The following AKAP12 variants were observed in gnomAD, a reference collection of about 807,000 sequenced individuals.
The protein encoded by AKAP12 is A-kinase anchor protein 12.
A neutral mutation model predicts 79.9 loss-of-function variants in AKAP12; 32 were observed. That is an observed-to-expected ratio of 0.40 (90% CI 0.30 to 0.54). The LOEUF is 0.54. AKAP12 is among the 20% of genes least tolerant of loss of function. The pLI, the probability that AKAP12 is intolerant of heterozygous loss-of-function variation, is 0.48. For missense variants in AKAP12, 2,074 were observed against 2,177.0 expected, an observed-to-expected ratio of 0.95 and a Z score of 0.94; for synonymous variants, 808 against 857.0, an observed-to-expected ratio of 0.94 and a Z score of 1.00.
At chr6:151,317,916 G>A (rs971603982) in intron 3 of AKAP12, among the ~76,000 whole-genome samples, 2 of 152,202 alleles carry the variant, frequency 1.3e-5, no homozygotes, top group African/African-American at 4.8e-5. Context: ...TAAATAAAGT[G>A]GCAGATTGAT....
chr6:151,325,201 T>A (rs967159154), intron 3 of AKAP12: 2 of 985,194 alleles, frequency 2.0e-6, no homozygotes, highest in African/African-American at 3.5e-5. Flanking sequence ...GGTGAAAATA[T>A]CAAATGCTAC....
intron 3 of AKAP12, among the ~76,000 whole-genome samples, chr6:151,313,624 A>G (rs1000559106): frequency 6.6e-6 from 1 of 152,200 alleles, no homozygotes; most frequent in Non-Finnish European, 1.5e-5. Context: ...TTTTCTCTGA[A>G]CTATATTCAA....
chr6:151,294,551 T>C (rs1200344898), intron 2 of AKAP12, among the ~76,000 whole-genome samples: 1 of 152,192 alleles, frequency 6.6e-6, no homozygotes, highest in Admixed American at 6.5e-5. Context: ...TTGCCAACAT[T>C]ACAAGGTAGG....
In AKAP12 at chr6:151,349,185, G is replaced by A. The variant is rs767469845; in HGVS notation, c.794G>A (p.Cys265Tyr). ...GAATCTGGCCAAGCAGTGGAGGAAT[G>A]CAAAGAGGAAGGAGAAGAGAAACAA... ...PAESGQAVEE[C>Y]KEEGEEKQEK... Residue 265 changes from cysteine to tyrosine, a missense_variant, in exon 4 of 5, where the codon TGC (cysteine) becomes TAC (tyrosine). By Grantham distance (194) the Cys-to-Tyr change is radical. Transcript: ENST00000402676. 1.9e-6 allele frequency: 3 copies of A among 1,612,510 alleles called. No individual in the cohort carries two copies. The highest frequency in any genetic ancestry group is 1.4e-5 in the African/African-American group (1 of 73,664).
chr6:151,300,125 A>G (rs1776828256), intron 2 of AKAP12, among the ~76,000 whole-genome samples: 1 of 127,646 alleles, frequency 7.8e-6, no homozygotes, highest in Admixed American at 8.1e-5. Flanking sequence ...TACTTTCAAA[A>G]CACTTTCTAT....
intron 2 of AKAP12, among the ~76,000 whole-genome samples, chr6:151,283,313 A>G (rs1258286788): frequency 6.6e-6 from 1 of 152,206 alleles, no homozygotes; most frequent in East Asian, 1.9e-4. Flanking sequence ...CACAAAAGAA[A>G]TGGTAGGATT....
chr6:151,272,560 C>G (rs778951549), intron 2 of AKAP12, among the ~76,000 whole-genome samples: 2 of 151,960 alleles, frequency 1.3e-5, no homozygotes, highest in African/African-American at 4.8e-5. Context: ...CACTCTGTCT[C>G]CCAGGCTGGA....
chr6:151,348,341 A>T, intron 3 of AKAP12: 1 of 425,954 alleles, frequency 2.3e-6, no homozygotes, highest in Non-Finnish European at 4.7e-6. Flanking sequence ...AAAAAAAAAA[A>T]AAGTTAATTT....
intron 3 of AKAP12, among the ~76,000 whole-genome samples, chr6:151,331,745 C>T (rs4870011): frequency 0.5 from 76,092 of 151,442 alleles, 22,139 homozygotes; most frequent in African/African-American, 0.8. Context: ...ATTAGCCGGG[C>T]GTGGTGGCAG....
At chr6:151,342,683 T>C (rs965756555) in intron 3 of AKAP12, among the ~76,000 whole-genome samples, 4 of 152,244 alleles carry the variant, frequency 2.6e-5, no homozygotes, top group African/African-American at 9.6e-5. Context: ...ATACATTTTA[T>C]TATGTGTTCA....
chr6:151,244,683 A>G (rs972137887), intron 2 of AKAP12, among the ~76,000 whole-genome samples: 6 of 152,194 alleles, frequency 3.9e-5, no homozygotes, highest in East Asian at 1.9e-4. Context: ...TGTTACAAAA[A>G]TGGGCCAGAA....
intron 3 of AKAP12, among the ~76,000 whole-genome samples, chr6:151,345,157 C>A (rs1208667886): frequency 6.6e-6 from 1 of 151,958 alleles, no homozygotes; most frequent in Non-Finnish European, 1.5e-5. Context: ...CTCACTGCAA[C>A]CTCCACCTCC....
At chr6:151,347,158 T>C (rs1778122942) in intron 3 of AKAP12, among the ~76,000 whole-genome samples, 1 of 152,244 alleles carries the variant, frequency 6.6e-6, no homozygotes, top group Non-Finnish European at 1.5e-5. Flanking sequence ...TGGGAGCCCC[T>C]TCAAGCCAGT....
intron 2 of AKAP12, among the ~76,000 whole-genome samples, chr6:151,253,127 C>T (rs1243787706): frequency 6.6e-6 from 1 of 152,172 alleles, no homozygotes; most frequent in East Asian, 1.9e-4. Flanking sequence ...TCTATTGTCA[C>T]TCCCTGATAT....
intron 2 of AKAP12, among the ~76,000 whole-genome samples, chr6:151,301,153 T>C (rs1054468590): frequency 2.0e-5 from 3 of 152,192 alleles, no homozygotes; most frequent in African/African-American, 7.2e-5. Flanking sequence ...TTCCACCGCC[T>C]CCTGTCCCAT....
intron 3 of AKAP12, among the ~76,000 whole-genome samples, chr6:151,317,966 G>A (rs1379934563): frequency 1.3e-5 from 2 of 152,210 alleles, no homozygotes; most frequent in Admixed American, 1.3e-4. Context: ...GCCAAGGTTT[G>A]CTCTCAAGCA....
At chr6:151,319,484 TCTA>T (rs756248408) in intron 3 of AKAP12, among the ~76,000 whole-genome samples, 2,975 of 134,434 alleles carry the variant, frequency 0.022, 44 homozygotes, top group African/African-American at 0.044. Flanking sequence ...TATCTATCTA[TCTA>T]CTATCTATAA....
intron 2 of AKAP12, among the ~76,000 whole-genome samples, chr6:151,266,261 CTTCT>C (rs997322505): frequency 2.0e-5 from 3 of 152,176 alleles, no homozygotes; most frequent in Admixed American, 1.3e-4. Context: ...ATATTTTTCT[CTTCT>C]TTCTTTTTTA....
At position 151,349,151 on chromosome 6, in the gene AKAP12, C is replaced by T. The variant is rs894453490; in HGVS notation, c.760C>T (p.Pro254Ser). Reference sequence around the variant, plus strand: ...TGAGCAAAGCCACGCAGAAATTTCTCCCCCAGCCGAATCTGGCCAAGCAGT... The same window carrying T: ...TGAGCAAAGCCACGCAGAAATTTCTTCCCCAGCCGAATCTGGCCAAGCAGT... ...KREQSHAEISPPAESGQAVEE... is the reference protein window; with the variant it reads ...KREQSHAEISSPAESGQAVEE... The change falls in exon 4 of 5, where the codon CCC (proline) becomes TCC (serine). Residue 254 changes from proline to serine, a missense_variant. Pro to Ser is a moderately conservative substitution (Grantham distance 74). Around this residue, in one of 3 missense-constraint regions of AKAP12, gnomAD observed 1,428 missense variants for 1,451.0 expected, o/e 0.98. Coordinates refer to ENST00000402676, the MANE Select transcript of AKAP12 (RefSeq NM_005100.4). 2.5e-6 allele frequency: 4 copies of T among 1,613,742 alleles called. No individual in the cohort carries two copies. The highest frequency in any genetic ancestry group is 3.4e-6 in the Non-Finnish European group (4 of 1,180,010).
Sources: allele counts gnomAD v4.1 joint callset (sites outside exome capture counted in the v4.1 genomes callset), GRCh38; gene constraint gnomAD v4.1.1; regional missense constraint gnomAD v4.1.1; transcripts MANE v1.5; gene names NCBI Gene and HGNC (gene_info 2026-07-23, HGNC 2026-07-21).